Variants in ZNF500 observed in about 807,000 individuals in gnomAD.
ZNF500 encodes the protein zinc finger protein with KRAB and SCAN domains 18.
A neutral mutation model predicts 30.1 loss-of-function variants in ZNF500; 31 were observed. The observed-to-expected ratio is 1.03, with a 90% confidence interval of 0.77 to 1.39. The LOEUF (loss-of-function observed/expected upper bound fraction) is 1.39. Ranked by LOEUF, ZNF500 falls within the 40% of genes most tolerant of loss-of-function variation. The probability of loss-of-function intolerance (pLI) is 0.00; values close to 1 mark genes in which losing one functional copy is unlikely to be tolerated. For missense variants in ZNF500, 817 were observed against 657.8 expected (o/e 1.24, Z -2.65); for synonymous variants, 392 against 282.0 (o/e 1.39, Z -3.91).
rs1241878095 is a variant in ZNF500 at position 4,751,871 on chromosome 16, G to T, written c.*505C>A. On this transcript the variant is annotated 3_prime_UTR_variant, in exon 6 of 6. Coordinates refer to ENST00000219478, the MANE Select transcript of ZNF500 (RefSeq NM_021646.4). The stretch of plus-strand genomic sequence containing the variant: ...TGCAGTGAGCTATGATCATGGCACT[G>T]TATTCCCGCCTGGGGGACACAGCAA... 17 of 320,694 alleles carry T rather than the reference G, an allele frequency of 5.3e-5. No individual in the cohort carries two copies. In the Admixed American group the frequency reaches 6.2e-4, roughly 12 times the overall value. The allele number at this position is 320,694 out of a possible 1,614,324, so 19.9% of individuals were successfully genotyped here. A position where few individuals can be genotyped will look rare whatever the true frequency, so the allele number is the denominator to read the frequency against.
chr16:4,751,874 T>C lies in ZNF500; in HGVS notation c.*502A>G. 1 of 300,528 alleles carries C rather than the reference T, an allele frequency of 3.3e-6. No individual in the cohort carries two copies. The highest frequency in any genetic ancestry group is 1.1e-4 in the East Asian group (1 of 9,476). The allele number at this position is 300,528 out of a possible 1,614,324, so 18.6% of individuals were successfully genotyped here. A position where few individuals can be genotyped will look rare whatever the true frequency, so the allele number is the denominator to read the frequency against. ...AGTGAGCTATGATCATGGCACTGTA[T>C]TCCCGCCTGGGGGACACAGCAAGGC... is the stretch of plus-strand genomic sequence containing the variant. On this transcript the variant is annotated 3_prime_UTR_variant, in exon 6 of 6. Coordinates refer to ENST00000219478, the MANE Select transcript of ZNF500 (RefSeq NM_021646.4).
intron 4 of ZNF500, among the ~76,000 whole-genome samples, chr16:4,760,924 C>T (rs1011402128): frequency 6.6e-6 from 1 of 152,154 alleles, no homozygotes; most frequent in African/African-American, 2.4e-5. Flanking sequence ...GCCCCAGGAC[C>T]CCATTGCGGC....
In ZNF500 at chr16:4,752,724, G is replaced by A. The variant is rs1157323728; in HGVS notation, c.1095C>T (p.Arg365=). The change falls in exon 6 of 6, where the codon CGC becomes CGT. Residue 365 remains arginine (R), a synonymous_variant. Transcript: ENST00000219478. ...CLVCGKGFSD[R]SNFSTHQRVH... Reference sequence around the variant, plus strand: ...CCCTCTGGTGCGTGCTGAAGTTGGAGCGGTCGCTAAAGCCCTTCCCACAGA... The same window carrying A: ...CCCTCTGGTGCGTGCTGAAGTTGGAACGGTCGCTAAAGCCCTTCCCACAGA... 1 of 1,614,214 alleles carries A rather than the reference G, an allele frequency of 6.2e-7. No homozygotes were observed. The highest frequency in any genetic ancestry group is 1.1e-5 in the South Asian group (1 of 91,086).
Position 4,751,956 on chromosome 16 carries a change from G to T in ZNF500, c.*420C>A. 1 of 729,628 alleles carries T rather than the reference G, an allele frequency of 1.4e-6. No individual in the cohort carries two copies. The highest frequency in any genetic ancestry group is 2.0e-6 in the Non-Finnish European group (1 of 507,264). 45.2% of individuals were successfully genotyped at this position (729,628 alleles called of 1,614,324 possible). A position where few individuals can be genotyped will look rare whatever the true frequency, so the allele number is the denominator to read the frequency against. On this transcript the variant is annotated 3_prime_UTR_variant, in exon 6 of 6. Coordinates refer to ENST00000219478, the MANE Select transcript of ZNF500 (RefSeq NM_021646.4). ...GGTGGGGGGTACACACAGAGACAGCGCACAGGGTCACAGACACACAGGAGA... is the reference window on the plus strand; with the variant it reads ...GGTGGGGGGTACACACAGAGACAGCTCACAGGGTCACAGACACACAGGAGA...
At chr16:4,747,427 G>C, downstream of ZNF500, 1 of 1,613,030 alleles carries the variant, frequency 6.2e-7, no homozygotes, top group Non-Finnish European at 8.5e-7. Context: ...CTGCCAGCAA[G>C]GGGCCCGCGG....
downstream of ZNF500, among the ~76,000 whole-genome samples, chr16:4,745,754 C>A (rs2082006870): frequency 6.6e-6 from 1 of 152,114 alleles, no homozygotes; most frequent in Middle Eastern, 3.2e-3. Flanking sequence ...AGTTCGAGAC[C>A]AGCCTGGCCA....
intron 2 of ZNF500, chr16:4,764,079 A>C (rs1567538865): frequency 1.5e-5 from 15 of 985,330 alleles, no homozygotes; most frequent in South Asian, 4.7e-5. Flanking sequence ...TACTCCTTCA[A>C]ATGGGGCTGG....
downstream of ZNF500, among the ~76,000 whole-genome samples, chr16:4,748,027 T>C (rs1319631617): frequency 6.6e-6 from 1 of 152,090 alleles, no homozygotes; most frequent in Non-Finnish European, 1.5e-5. Flanking sequence ...AAGTAAAACG[T>C]ATTTAGAGGA....
Position 4,760,582 on chromosome 16 carries a change from C to G in ZNF500, c.670G>C (p.Val224Leu). The change falls in exon 5 of 6, where the codon GTG becomes CTG. Residue 224 changes from valine (V) to leucine (L), a missense_variant. By Grantham distance (32) the Val-to-Leu change is conservative (BLOSUM62 1). Coordinates refer to ENST00000219478, the MANE Select transcript of ZNF500 (RefSeq NM_021646.4). ...PFLSAWSQVP[V>L]NLEDVAVYLS... ...TATACAGCCACGTCCTCCAAGTTCA[C>G]GGGCACCTGCCAGAACGCACCCCAC... is the stretch of plus-strand genomic sequence containing the variant. 6.2e-7 allele frequency: 1 copy of G among 1,613,094 alleles called. No homozygotes were observed. The highest frequency in any genetic ancestry group is 8.5e-7 in the Non-Finnish European group (1 of 1,179,536).
At chr16:4,747,642 G>C (rs2082035313), downstream of ZNF500, 2 of 1,590,000 alleles carry the variant, frequency 1.3e-6, no homozygotes, top group East Asian at 2.3e-5. Flanking sequence ...CAGGTAGTGG[G>C]ATCCCAGGAG....
At position 4,748,853 on chromosome 16, in the gene ZNF500, G is replaced by T. The variant is rs1441835883; in HGVS notation, c.*3523C>A. 6.6e-6 allele frequency: 1 copy of T among 152,348 alleles called. No homozygotes were observed. Among genetic ancestry groups the T allele is most frequent in the Non-Finnish European group, 1.5e-5 (1 of 68,152 alleles). 9.4% of individuals were successfully genotyped at this position (152,348 alleles called of 1,614,324 possible). A position where few individuals can be genotyped will look rare whatever the true frequency, so the allele number is the denominator to read the frequency against. ...TGGGACAGTGTCCCAGCTTCCCCTG[G>T]GGTTCACCCCTGGCTGCCAGGCCAC... On this transcript the variant is annotated 3_prime_UTR_variant, in exon 6 of 6. Transcript: ENST00000219478.
intron 4 of ZNF500, 139 bp downstream of exon 4, chr16:4,762,132 G>T: frequency 1.0e-6 from 1 of 994,898 alleles, no homozygotes; most frequent in Non-Finnish European, 1.5e-6. Context: ...TGGGGCAAAG[G>T]GAGAAAACTC....
downstream of ZNF500, chr16:4,747,254 G>A (rs1476279116): frequency 3.5e-6 from 5 of 1,438,532 alleles, no homozygotes; most frequent in East Asian, 2.3e-5. Flanking sequence ...TGGGAGCTGG[G>A]CTCATCTGCT....
Position 4,751,782 on chromosome 16 carries a change from C to G in ZNF500, c.*594G>C. On this transcript the variant is annotated 3_prime_UTR_variant, in exon 6 of 6. Transcript: ENST00000219478. ...AAGAGACTGGGCATGGCGGCACACA[C>G]CTGTAACCCCAGCTACTCAGGAGGA... The G allele has an allele frequency of 2.6e-6, 2 of 763,844 alleles. No homozygotes were observed. Among genetic ancestry groups the G allele is most frequent in the African/African-American group, 1.7e-5 (1 of 57,680 alleles). The allele number at this position is 763,844 out of a possible 1,614,324, so 47.3% of individuals were successfully genotyped here.
Position 4,750,955 on chromosome 16 carries a change from T to C in ZNF500, c.*1421A>G, listed in dbSNP as rs1170614665. The C allele has an allele frequency of 6.6e-6, 1 of 151,846 alleles. No individual in the cohort carries two copies. Among genetic ancestry groups the C allele is most frequent in the Non-Finnish European group, 1.5e-5 (1 of 68,060 alleles). The allele number at this position is 151,846 out of a possible 1,614,324, so 9.4% of individuals were successfully genotyped here. On this transcript the variant is annotated 3_prime_UTR_variant, in exon 6 of 6. Coordinates refer to ENST00000219478, the MANE Select transcript of ZNF500 (RefSeq NM_021646.4). Reference sequence around the variant, plus strand: ...GGCCTCTGACACTAAATAATGTCAGTTAAGGGAATGAGAAAAAGGGCAGGT... The same window carrying C: ...GGCCTCTGACACTAAATAATGTCAGCTAAGGGAATGAGAAAAAGGGCAGGT...
At chr16:4,759,910 G>A (rs977051951) in intron 5 of ZNF500, among the ~76,000 whole-genome samples, 3 of 152,268 alleles carry the variant, frequency 2.0e-5, no homozygotes, top group Middle Eastern at 3.4e-3. Context: ...ATGATGGCGA[G>A]TACCTGTAAT....
At chr16:4,763,210 C>T (rs2141848233) in intron 2 of ZNF500, 1 of 727,482 alleles carries the variant, frequency 1.4e-6, no homozygotes, top group East Asian at 1.3e-4. Flanking sequence ...CCAGCCTAAC[C>T]AACATGGTGA....
downstream of ZNF500, chr16:4,747,467 G>C: frequency 6.2e-7 from 1 of 1,613,280 alleles, no homozygotes; most frequent in South Asian, 1.1e-5. Flanking sequence ...TGAAGACACA[G>C]CTGGATCACG....
At position 4,762,683 on chromosome 16, in the gene ZNF500, G is replaced by A. The variant is rs777862066; in HGVS notation, c.488C>T (p.Ala163Val). The A allele has an allele frequency of 2.5e-6, 4 of 1,614,100 alleles. No homozygotes were observed. The highest frequency in any genetic ancestry group is 2.2e-5 in the East Asian group (1 of 44,882). The change falls in exon 3 of 6, where the codon GCT (alanine) becomes GTT (valine). Residue 163 changes from alanine (A) to valine (V), a missense_variant. Transcript: ENST00000219478. Reference protein sequence around the residue: ...GGQFLKHQAEAQPEDLSLEEE... With the variant: ...GGQFLKHQAEVQPEDLSLEEE... ...CTCCAGGGACAGATCCTCTGGCTGA[G>A]CCTCTGCCTGGTGTTTTAAGAACTG... is the stretch of plus-strand genomic sequence containing the variant.
Sources: gnomAD v4.1 joint callset for allele counts (sites outside exome capture counted in the v4.1 genomes callset) on GRCh38, gnomAD v4.1.1 for gene constraint, MANE v1.5 for transcripts, NCBI Gene and HGNC (gene_info 2026-07-23, HGNC 2026-07-21) for gene names.